MYO3B: variants seen among roughly 807,000 people sequenced by gnomAD.
MYO3B encodes the protein myosin-IIIb.
Under a neutral mutation model 174.6 loss-of-function variants are expected in MYO3B, and 156 were observed. That is an observed-to-expected ratio of 0.89 (90% confidence interval 0.78 to 1.02). MYO3B has a LOEUF of 1.02. Ranked by LOEUF, MYO3B falls within the 50% of genes least tolerant of loss-of-function variation. The pLI is 0.00. For synonymous variants in MYO3B, 563 were observed against 569.1 expected (o/e 0.99, Z 0.15); for missense variants, 1,632 against 1,639.4 (o/e 1.00, Z 0.08).
chr2:170,394,124 ATATAGT>A (rs1056041101), intron 16 of MYO3B, among the ~76,000 whole-genome samples: 3 of 152,218 alleles, frequency 2.0e-5, no homozygotes, highest in South Asian at 2.1e-4. Context: ...TTGAGTACAA[ATATAGT>A]TATAGAATAC....
intron 32 of MYO3B, chr2:170,602,109 C>G: frequency 8.2e-7 from 1 of 1,220,110 alleles, no homozygotes; most frequent in Admixed American, 1.7e-5. Context: ...TCTTAGAAAA[C>G]TCTGAGAAGT....
chr2:170,314,657 T>C (rs559402719), intron 7 of MYO3B, among the ~76,000 whole-genome samples: 50 of 152,318 alleles, frequency 3.3e-4, no homozygotes, highest in African/African-American at 1.1e-3. Flanking sequence ...GAATGAATGA[T>C]CAAATAAAGA....
intron 7 of MYO3B, among the ~76,000 whole-genome samples, chr2:170,285,238 C>T (rs989444005): frequency 5.3e-5 from 8 of 152,114 alleles, no homozygotes; most frequent in African/African-American, 1.9e-4. Context: ...TTGATGTCAG[C>T]TTAATCAGAT....
intron 7 of MYO3B, among the ~76,000 whole-genome samples, chr2:170,279,252 G>T (rs2093487278): frequency 6.6e-6 from 1 of 151,986 alleles, no homozygotes; most frequent in Admixed American, 6.6e-5. Context: ...CCCATCAATA[G>T]TGTATGAAAG....
chr2:170,646,418 C>T (rs1575333948), intron 32 of MYO3B, among the ~76,000 whole-genome samples: 1 of 151,384 alleles, frequency 6.6e-6, no homozygotes, highest in East Asian at 1.9e-4. Context: ...TTTTGGAGAC[C>T]AAGCGTCACT....
intron 9 of MYO3B, among the ~76,000 whole-genome samples, chr2:170,380,404 A>T (rs2094326654): frequency 6.6e-6 from 1 of 152,128 alleles, no homozygotes; most frequent in Non-Finnish European, 1.5e-5. Context: ...GCTACCTGGG[A>T]GATAGACAGA....
At chr2:170,297,290 C>T (rs901848658) in intron 7 of MYO3B, among the ~76,000 whole-genome samples, 2 of 151,510 alleles carry the variant, frequency 1.3e-5, no homozygotes, top group African/African-American at 2.4e-5. Flanking sequence ...AAAACATACC[C>T]GCTCCCAATG....
intron 7 of MYO3B, among the ~76,000 whole-genome samples, chr2:170,313,280 G>A (rs2093751872): frequency 6.6e-6 from 1 of 152,186 alleles, no homozygotes; most frequent in African/African-American, 2.4e-5. Flanking sequence ...CCTTGAAGGG[G>A]AGTAATATGG....
At chr2:170,264,567 T>A (rs1316778201) in intron 7 of MYO3B, among the ~76,000 whole-genome samples, 1 of 152,218 alleles carries the variant, frequency 6.6e-6, no homozygotes, top group Non-Finnish European at 1.5e-5. Context: ...AGACATTCAA[T>A]CTGCCACGTG....
intron 7 of MYO3B, among the ~76,000 whole-genome samples, chr2:170,248,212 T>G (rs1193800448): frequency 1.3e-5 from 2 of 152,102 alleles, no homozygotes; most frequent in African/African-American, 4.8e-5. Context: ...CTTTCCTCCT[T>G]CCTTCCGGAA....
chr2:170,485,386 AACACACACACACAC>A (rs370436580), intron 25 of MYO3B, among the ~76,000 whole-genome samples: 7 of 136,718 alleles, frequency 5.1e-5, no homozygotes, highest in Admixed American at 1.5e-4. Flanking sequence ...ATCCTTTCAG[AACACACACACACAC>A]ACACACACAC....
At chr2:170,566,149 C>T (rs555361435) in intron 32 of MYO3B, among the ~76,000 whole-genome samples, 3 of 152,128 alleles carry the variant, frequency 2.0e-5, no homozygotes, top group Non-Finnish European at 2.9e-5. Context: ...GAAACTTCTG[C>T]AAGTTTCATT....
chr2:170,383,827 C>T lies in MYO3B; in HGVS notation c.1290+13C>T, dbSNP rs754631237. On this transcript the variant is annotated intron_variant, in intron 12 of 34. Coordinates refer to ENST00000408978, the MANE Select transcript of MYO3B (RefSeq NM_138995.5). ...CAGCAAAGACCAGGTAAGAACTCAC[C>T]TTCCTTTCCTACGGAGTCACCCAGT... is the stretch of plus-strand genomic sequence containing the variant. 1.4e-5 allele frequency: 22 copies of T among 1,589,944 alleles called. No homozygotes were observed. Among genetic ancestry groups the T allele is most frequent in the Non-Finnish European group, 1.8e-5 (21 of 1,158,184 alleles).
At chr2:170,239,401 T>C (rs1270930157) in intron 7 of MYO3B, among the ~76,000 whole-genome samples, 4 of 152,282 alleles carry the variant, frequency 2.6e-5, no homozygotes, top group Non-Finnish European at 4.4e-5. Context: ...TTGACTTCCA[T>C]AGAGGGGAGT....
At chr2:170,215,905 TCAG>T (rs1414846549) in intron 5 of MYO3B, among the ~76,000 whole-genome samples, 1 of 152,226 alleles carries the variant, frequency 6.6e-6, no homozygotes, top group Non-Finnish European at 1.5e-5. Flanking sequence ...ATGTATTCAC[TCAG>T]CAGCTTTGCG....
chr2:170,505,893 A>G (rs942134425), intron 28 of MYO3B, among the ~76,000 whole-genome samples: 1 of 152,176 alleles, frequency 6.6e-6, no homozygotes, highest in Non-Finnish European at 1.5e-5. Flanking sequence ...GGACATTTTC[A>G]TCTAATTGCT....
chr2:170,208,662 C>T (rs1239091798), intron 3 of MYO3B, among the ~76,000 whole-genome samples: 1 of 152,062 alleles, frequency 6.6e-6, no homozygotes, highest in Non-Finnish European at 1.5e-5. Context: ...ACTAATGAGT[C>T]TAGAATTTAA....
chr2:170,612,488 G>GCTAA (rs1695184193), intron 32 of MYO3B, among the ~76,000 whole-genome samples: 1 of 151,872 alleles, frequency 6.6e-6, no homozygotes, highest in African/African-American at 2.4e-5. Flanking sequence ...CTCATTAACT[G>GCTAA]CTAAACTCCA....
chr2:170,199,194 T>A lies in MYO3B; in HGVS notation c.3-14T>A. 1 of 1,574,560 alleles carries A rather than the reference T, an allele frequency of 6.4e-7. No homozygotes were observed. The highest frequency in any genetic ancestry group is 1.2e-5 in the South Asian group (1 of 83,260). On this transcript the variant is annotated splice_polypyrimidine_tract_variant and intron_variant, in intron 1 of 34. Transcript: ENST00000408978. ...TGTGATCTGTTGCACATAACAAATT[T>A]TTCCCCCAACCAGGAAACATCTGTA...
Sources: allele counts gnomAD v4.1 joint callset (sites outside exome capture counted in the v4.1 genomes callset), GRCh38; gene constraint gnomAD v4.1.1; transcripts MANE v1.5; gene names NCBI Gene and HGNC (gene_info 2026-07-23, HGNC 2026-07-21).